The following MAF variants were observed in gnomAD, a reference collection of about 807,000 sequenced individuals.
MAF encodes the protein transcription factor Maf.
In MAF, 10 loss-of-function variants were observed where a neutral mutation model predicts 22.0. The ratio of observed to expected loss-of-function variants is 0.45; its 90% CI spans 0.28 to 0.77. The LOEUF is 0.77. MAF is among the 30% of genes least tolerant of loss of function. MAF has a pLI of 0.12. For synonymous variants in MAF, 337 were observed against 255.8 expected (o/e 1.32, Z -3.03); for missense variants, 544 against 548.4 (o/e 0.99, Z 0.08).
the MAF span, among the ~76,000 whole-genome samples, chr16:79,487,224 T>A: frequency 3.4e-5 from 5 of 148,104 alleles, no homozygotes; most frequent in African/African-American, 4.9e-5. Context: ...AAAAAAAAAA[T>A]TCCCATGTGA....
At chr16:79,496,732 G>A in the MAF span, among the ~76,000 whole-genome samples, 1 of 152,170 alleles carries the variant, frequency 6.6e-6, no homozygotes, top group South Asian at 2.1e-4. Flanking sequence ...ATAAACAATG[G>A]GGCTATGAAA....
the MAF span, among the ~76,000 whole-genome samples, chr16:79,438,371 A>G: frequency 1.3e-5 from 2 of 152,194 alleles, no homozygotes; most frequent in Admixed American, 1.3e-4. Context: ...AGGCTTCGCC[A>G]CAATTAGAAA....
chr16:79,468,252 G>A, the MAF span, among the ~76,000 whole-genome samples: 1 of 152,182 alleles, frequency 6.6e-6, no homozygotes, highest in African/African-American at 2.4e-5. Context: ...GGAGTCCCCA[G>A]CAGCCCAGGC....
At chr16:79,580,822 A>C in the MAF span, among the ~76,000 whole-genome samples, 1 of 152,166 alleles carries the variant, frequency 6.6e-6, no homozygotes, top group Non-Finnish European at 1.5e-5. Context: ...AGGAGAAAAA[A>C]AAAAATAGAA....
chr16:79,391,393 A>AGCTATTT, the MAF span, among the ~76,000 whole-genome samples: 1 of 152,194 alleles, frequency 6.6e-6, no homozygotes, highest in Non-Finnish European at 1.5e-5. Flanking sequence ...ATGAGGCCCA[A>AGCTATTT]GCAGAGCCAC....
the MAF span, among the ~76,000 whole-genome samples, chr16:79,468,684 T>C: frequency 1.2e-4 from 19 of 152,046 alleles, no homozygotes; most frequent in African/African-American, 4.6e-4. Context: ...GTGCAGACAG[T>C]GGTAACGTGG....
chr16:79,492,138 G>A, the MAF span, among the ~76,000 whole-genome samples: 1 of 152,206 alleles, frequency 6.6e-6, no homozygotes, highest in Non-Finnish European at 1.5e-5. Flanking sequence ...GCACGGGCAT[G>A]AGAGTTGAGG....
chr16:79,277,693 G>T, the MAF span, among the ~76,000 whole-genome samples: 1 of 152,284 alleles, frequency 6.6e-6, no homozygotes, highest in African/African-American at 2.4e-5. Flanking sequence ...CTCTCTATGT[G>T]ACCAGGAGGG....
the MAF span, among the ~76,000 whole-genome samples, chr16:79,441,991 G>T: frequency 6.6e-6 from 1 of 152,212 alleles, no homozygotes; most frequent in Non-Finnish European, 1.5e-5. Flanking sequence ...AGGGCTTGGA[G>T]GGCAGACACA....
chr16:79,387,385 G>A, the MAF span, among the ~76,000 whole-genome samples: 3 of 152,148 alleles, frequency 2.0e-5, no homozygotes, highest in Non-Finnish European at 4.4e-5. Context: ...CTAGCTAGAT[G>A]GAAATCCATC....
chr16:79,537,962 T>C, the MAF span, among the ~76,000 whole-genome samples: 2 of 152,166 alleles, frequency 1.3e-5, no homozygotes, highest in Admixed American at 1.3e-4. Context: ...GAATCTCAAG[T>C]GGATAAAATA....
At chr16:79,584,131 G>T (rs1325200740), downstream of MAF, among the ~76,000 whole-genome samples, 1 of 152,056 alleles carries the variant, frequency 6.6e-6, no homozygotes, top group Non-Finnish European at 1.5e-5. Flanking sequence ...GTAATTAAAT[G>T]ACTCCCCAAA....
At chr16:79,449,403 T>C in the MAF span, among the ~76,000 whole-genome samples, 540 of 152,308 alleles carry the variant, frequency 3.5e-3, 4 homozygotes, top group African/African-American at 0.012. Flanking sequence ...AATTACTGTA[T>C]TTGCTTTATT....
At chr16:79,374,008 TG>T in the MAF span, among the ~76,000 whole-genome samples, 3 of 152,152 alleles carry the variant, frequency 2.0e-5, no homozygotes, top group Non-Finnish European at 4.4e-5. Context: ...TCCTGAGAGT[TG>T]GGGTGATTTA....
At chr16:79,277,898 C>G in the MAF span, among the ~76,000 whole-genome samples, 1 of 152,136 alleles carries the variant, frequency 6.6e-6, no homozygotes, top group East Asian at 1.9e-4. Context: ...CTGGGGAACA[C>G]TACACTTGGG....
chr16:79,450,634 G>A, the MAF span, among the ~76,000 whole-genome samples: 2 of 152,118 alleles, frequency 1.3e-5, no homozygotes, highest in South Asian at 2.1e-4. Flanking sequence ...GTGAGAAAAT[G>A]TGGTTTTTAT....
At chr16:79,253,205 C>A in the MAF span, among the ~76,000 whole-genome samples, 1 of 152,104 alleles carries the variant, frequency 6.6e-6, no homozygotes, top group Non-Finnish European at 1.5e-5. Flanking sequence ...GGATCCTGGG[C>A]CTGTTTTGGC....
chr16:79,344,527 C>T, the MAF span, among the ~76,000 whole-genome samples: 1 of 152,314 alleles, frequency 6.6e-6, no homozygotes, highest in African/African-American at 2.4e-5. Flanking sequence ...TTTAAAGATA[C>T]TGCCTGAACT....
At chr16:79,242,521 G>T in the MAF span, among the ~76,000 whole-genome samples, 1 of 151,930 alleles carries the variant, frequency 6.6e-6, no homozygotes, top group African/African-American at 2.4e-5. Context: ...AAATATATAT[G>T]CACCCAATAC....
Sources: allele counts gnomAD v4.1 joint callset (sites outside exome capture counted in the v4.1 genomes callset), GRCh38; gene constraint gnomAD v4.1.1; transcripts MANE v1.5; gene names NCBI Gene and HGNC (gene_info 2026-07-23, HGNC 2026-07-21).